HIVEP3: variants seen among roughly 807,000 people sequenced by gnomAD.
The protein encoded by HIVEP3 is HIVEP zinc finger 3.
Under a neutral mutation model 152.8 loss-of-function variants are expected in HIVEP3, and 49 were observed. The observed-to-expected ratio is 0.32, with a 90% CI of 0.26 to 0.41. The LOEUF (loss-of-function observed/expected upper bound fraction) is 0.41. HIVEP3 is among the 10% of genes least tolerant of loss of function. The pLI is 1.00. For missense variants in HIVEP3, 2,790 were observed against 3,103.3 expected (o/e 0.90, Z 2.40); for synonymous variants, 1,269 against 1,289.0 (o/e 0.98, Z 0.33).
chr1:41,777,930 G>C (rs368319883), intron 1 of HIVEP3, among the ~76,000 whole-genome samples: 1 of 152,244 alleles, frequency 6.6e-6, no homozygotes, highest in Non-Finnish European at 1.5e-5. Context: ...CGTGCTTCAC[G>C]CATGGTGTGG....
At chr1:41,603,527 T>G (rs1644775878) in intron 3 of HIVEP3, among the ~76,000 whole-genome samples, 1 of 151,882 alleles carries the variant, frequency 6.6e-6, no homozygotes, top group Admixed American at 6.6e-5. Context: ...GCCCATCTAA[T>G]TTTTGTATTT....
Position 41,582,978 on chromosome 1 carries a change from C to A in HIVEP3, c.1820G>T (p.Gly607Val), listed in dbSNP as rs775795776. The A allele has an allele frequency of 2.5e-5, 41 of 1,613,870 alleles. No homozygotes were observed. The highest frequency in any genetic ancestry group is 3.5e-5 in the Non-Finnish European group (41 of 1,180,016). Residue 607 changes from glycine to valine, a missense_variant, in exon 4 of 9, where the codon GGC (glycine) becomes GTC (valine). Around this residue, in one of 9 missense-constraint regions of HIVEP3, gnomAD observed 339 missense variants for 327.0 expected, o/e 1.04. Coordinates refer to ENST00000372583, the MANE Select transcript of HIVEP3 (RefSeq NM_024503.5). The surrounding 1 kb of genome is among the most constrained non-coding windows in gnomAD (Gnocchi z 4.7). Reference protein sequence around the residue: ...LGGEYSSEEPGPSSKDTASKP... With the variant: ...LGGEYSSEEPVPSSKDTASKP... ...GGAGGCTGTGTCTTTGCTGCTTGGG[C>A]CAGGCTCCTCAGAACTGTATTCCCC...
intron 1 of HIVEP3, among the ~76,000 whole-genome samples, chr1:41,769,105 A>G (rs932803045): frequency 3.3e-5 from 5 of 152,282 alleles, no homozygotes; most frequent in African/African-American, 1.2e-4. Context: ...AAAATCACAC[A>G]CCAAATGGTT....
chr1:41,555,664 T>A (rs868156530), intron 5 of HIVEP3, among the ~76,000 whole-genome samples: 33 of 152,318 alleles, frequency 2.2e-4, no homozygotes, highest in Middle Eastern at 3.4e-3. Flanking sequence ...TGCAGTTCAG[T>A]GGTATTAAGT....
At position 41,581,502 on chromosome 1, in the gene HIVEP3, G is replaced by A. The variant is rs752335525; in HGVS notation, c.3296C>T (p.Pro1099Leu). ...GTCCTGCCCTGGGCCCTTGCCTCCC[G>A]GGGGTCCACCATGTGAGGTGGCCGC... ...SSAATSHGGPPGGKGPGQDRP... is the reference protein window; with the variant it reads ...SSAATSHGGPLGGKGPGQDRP... The change falls in exon 4 of 9, where the codon CCG becomes CTG. Residue 1099 changes from proline to leucine, a missense_variant. Pro to Leu is a moderately conservative substitution (Grantham distance 98). Around this residue, in one of 9 missense-constraint regions of HIVEP3, gnomAD observed 1,078 missense variants for 1,165.3 expected, o/e 0.93. Transcript: ENST00000372583. The surrounding 1 kb of genome is among the most constrained non-coding windows in gnomAD (Gnocchi z 4.5). 1.5e-5 allele frequency: 23 copies of A among 1,577,430 alleles called. No homozygotes were observed. Among genetic ancestry groups the A allele is most frequent in the South Asian group, 2.4e-5 (2 of 83,600 alleles).
At chr1:41,671,106 C>T (rs1441090855) in intron 2 of HIVEP3, among the ~76,000 whole-genome samples, 2 of 152,202 alleles carry the variant, frequency 1.3e-5, no homozygotes, top group Admixed American at 1.3e-4. Flanking sequence ...CAGGCCCCTC[C>T]CCACCCTGCC....
chr1:41,910,192 T>C (rs1411578308), intron 1 of HIVEP3, among the ~76,000 whole-genome samples: 1 of 151,836 alleles, frequency 6.6e-6, no homozygotes, highest in Non-Finnish European at 1.5e-5. Context: ...TAAAAGACCA[T>C]TTAACAAAAT....
rs181487554 is a variant in HIVEP3 at position 41,558,992 on chromosome 1, C to T, written c.5207+16552G>A. Among the ~76,000 whole-genome samples, 65 of 152,240 alleles carry T rather than the reference C, an allele frequency of 4.3e-4. 1 individual carries two copies. The highest frequency in any genetic ancestry group is 1.6e-3 in the African/African-American group (65 of 41,538). On this transcript the variant is annotated intron_variant, in intron 5 of 8. Transcript: ENST00000372583. ...CCAAGACTGCTCTGTCTTCTGCTGGCTGCTGGGCCCCAGCACACACCTCCC... is the reference window on the plus strand; with the variant it reads ...CCAAGACTGCTCTGTCTTCTGCTGGTTGCTGGGCCCCAGCACACACCTCCC...
intron 1 of HIVEP3, among the ~76,000 whole-genome samples, chr1:41,893,979 G>C (rs1644491013): frequency 6.6e-6 from 1 of 150,884 alleles, no homozygotes; most frequent in Non-Finnish European, 1.5e-5. Context: ...AGAGTGCAGT[G>C]GCATGATCTC....
chr1:41,584,614 G>A lies in HIVEP3; in HGVS notation c.184C>T (p.Pro62Ser). 4 of 1,610,880 alleles carry A rather than the reference G, an allele frequency of 2.5e-6. No individual in the cohort carries two copies. The highest frequency in any genetic ancestry group is 2.5e-6 in the Non-Finnish European group (3 of 1,177,918). The change falls in exon 4 of 9, where the codon CCC becomes TCC. Residue 62 changes from proline (P) to serine (S), a missense_variant. Around this residue, in one of 9 missense-constraint regions of HIVEP3, gnomAD observed 209 missense variants for 237.0 expected, o/e 0.88. Transcript: ENST00000372583. The surrounding 1 kb of genome is among the most constrained non-coding windows in gnomAD (Gnocchi z 5.2). Reference sequence around the variant, plus strand: ...GAGCCTTCCCTAAGAACTGATGAGGGGCCCGGGAAGGGCTGCGGGGCTAAG... The same window carrying A: ...GAGCCTTCCCTAAGAACTGATGAGGAGCCCGGGAAGGGCTGCGGGGCTAAG... The part of the protein sequence containing the change: ...ELLAPQPFPG[P>S]SSVLREGSQE...
At chr1:41,963,580 C>T (rs1312053541) in intron 1 of HIVEP3, among the ~76,000 whole-genome samples, 1 of 151,818 alleles carries the variant, frequency 6.6e-6, no homozygotes, top group Non-Finnish European at 1.5e-5. Flanking sequence ...ATGTAAATGA[C>T]GATTTAATGG....
chr1:41,874,648 AAG>A (rs1043501103), intron 1 of HIVEP3, among the ~76,000 whole-genome samples: 1 of 152,194 alleles, frequency 6.6e-6, no homozygotes, highest in African/African-American at 2.4e-5. Context: ...CTAGAAGATA[AAG>A]AGAGACTCCA....
intron 2 of HIVEP3, among the ~76,000 whole-genome samples, chr1:41,646,306 G>A (rs557088362): frequency 6.6e-6 from 1 of 152,308 alleles, no homozygotes; most frequent in African/African-American, 2.4e-5. Flanking sequence ...TCAGGGCCAG[G>A]GGCAAACCCC....
rs574867994 is a variant in HIVEP3 at position 41,903,811 on chromosome 1, T to G, written c.-801+14602A>C. Reference sequence around the variant, plus strand: ...TAAAAGAGTATTGGGTCAGCAAGGATGCACTGGGAAAGCCATCAGCATCTT... The same window carrying G: ...TAAAAGAGTATTGGGTCAGCAAGGAGGCACTGGGAAAGCCATCAGCATCTT... On this transcript the variant is annotated intron_variant, in intron 1 of 8. Coordinates refer to ENST00000372583, the MANE Select transcript of HIVEP3 (RefSeq NM_024503.5). Among the ~76,000 whole-genome samples the G allele has an allele frequency of 2.0e-5, 3 of 152,140 alleles. No individual in the cohort carries two copies. The East Asian group carries it at 5.8e-4, about 29-fold the overall frequency.
intron 1 of HIVEP3, among the ~76,000 whole-genome samples, chr1:41,707,138 C>G (rs1646446074): frequency 6.6e-6 from 1 of 152,212 alleles, no homozygotes; most frequent in African/African-American, 2.4e-5. Context: ...CTCAGCTCCC[C>G]CGGGGCTGCC....
At position 41,582,749 on chromosome 1, in the gene HIVEP3, T is replaced by A; in HGVS notation, c.2049A>T (p.Pro683=). 15 of 1,614,198 alleles carry A rather than the reference T, an allele frequency of 9.3e-6. No individual in the cohort carries two copies. Among genetic ancestry groups the A allele is most frequent in the Non-Finnish European group, 1.3e-5 (15 of 1,180,008 alleles). Residue 683 remains proline (P), a synonymous_variant, in exon 4 of 9, where the codon CCA becomes CCT. Transcript: ENST00000372583. The surrounding 1 kb of genome is among the most constrained non-coding windows in gnomAD (Gnocchi z 4.7). ...KPISAGTHTS[P]EAEKSQIEHE... ...GCTCAATCTGACTCTTTTCAGCTTC[T>A]GGAGATGTGTGGGTGCCTGCAGAGA... is the stretch of plus-strand genomic sequence containing the variant.
chr1:41,560,555 A>T (rs1313643294), intron 5 of HIVEP3, among the ~76,000 whole-genome samples: 1 of 152,140 alleles, frequency 6.6e-6, no homozygotes, highest in Non-Finnish European at 1.5e-5. Flanking sequence ...CTGGAGCTTC[A>T]TGCACCCTTG....
At chr1:41,615,323 G>A (rs1644951276) in intron 3 of HIVEP3, among the ~76,000 whole-genome samples, 1 of 152,204 alleles carries the variant, frequency 6.6e-6, no homozygotes, top group Non-Finnish European at 1.5e-5. Flanking sequence ...TCCTGAACTT[G>A]GGAAATCGGC....
intron 1 of HIVEP3, among the ~76,000 whole-genome samples, chr1:41,831,484 T>C (rs1642963973): frequency 6.6e-6 from 1 of 152,254 alleles, no homozygotes; most frequent in South Asian, 2.1e-4. Flanking sequence ...TTTTTTATGC[T>C]GAAACGGAGC....
Sources: gnomAD v4.1 joint callset for allele counts (sites outside exome capture counted in the v4.1 genomes callset) on GRCh38, gnomAD v4.1.1 for gene constraint, gnomAD v4.1.1 regional missense constraint, Gnocchi (gnomAD v3.1) non-coding constraint, MANE v1.5 for transcripts, NCBI Gene and HGNC (gene_info 2026-07-23, HGNC 2026-07-21) for gene names.